PDE3A: variants seen among roughly 807,000 people sequenced by gnomAD.
PDE3A encodes cGMP-inhibited 3',5'-cyclic phosphodiesterase 3A.
Under a neutral mutation model 98.3 loss-of-function variants are expected in PDE3A, and 43 were observed. The observed-to-expected ratio is 0.44, with a 90% CI of 0.34 to 0.56. PDE3A has a LOEUF of 0.56. Ranked by LOEUF, PDE3A falls within the 20% of genes least tolerant of loss-of-function variation. PDE3A has a pLI of 0.01. For missense variants in PDE3A, 1,427 were observed against 1,440.7 expected, an observed-to-expected ratio of 0.99 and a Z score of 0.15; for synonymous variants, 663 against 567.9, an observed-to-expected ratio of 1.17 and a Z score of -2.38.
In PDE3A at chr12:20,544,457, G is replaced by A. The variant is rs1205572392; in HGVS notation, c.961-12203G>A. Among the ~76,000 whole-genome samples the A allele has an allele frequency of 2.0e-5, 3 of 151,688 alleles. 1 individual carries two copies. Among genetic ancestry groups the A allele is most frequent in the Admixed American group, 2.0e-4 (3 of 15,216 alleles). On this transcript the variant is annotated intron_variant, in intron 1 of 15. Coordinates refer to ENST00000359062, the MANE Select transcript of PDE3A (RefSeq NM_000921.5). ...ATTTCACTGTTTTAAACAAGATGGAGATTAGAGGGTGGAAAATGGATTCTG... is the reference window on the plus strand; with the variant it reads ...ATTTCACTGTTTTAAACAAGATGGAAATTAGAGGGTGGAAAATGGATTCTG...
At chr12:20,404,556 T>C (rs1231420639) in intron 1 of PDE3A, among the ~76,000 whole-genome samples, 1 of 152,194 alleles carries the variant, frequency 6.6e-6, no homozygotes, top group Admixed American at 6.5e-5. Flanking sequence ...ACAGATACTC[T>C]TTAAACTTTT....
At chr12:20,460,591 A>G (rs748078485) in intron 1 of PDE3A, among the ~76,000 whole-genome samples, 1 of 152,230 alleles carries the variant, frequency 6.6e-6, no homozygotes, top group Non-Finnish European at 1.5e-5. Context: ...TGGTTATGGC[A>G]TGGTAGAATT....
chr12:20,394,901 C>T (rs868788137), intron 1 of PDE3A, among the ~76,000 whole-genome samples: 2 of 151,898 alleles, frequency 1.3e-5, no homozygotes, highest in Non-Finnish European at 2.9e-5. Flanking sequence ...GAGGACAACT[C>T]CCTATAAGAA....
At chr12:20,573,704 T>G (rs558147544) in intron 2 of PDE3A, among the ~76,000 whole-genome samples, 1 of 152,246 alleles carries the variant, frequency 6.6e-6, no homozygotes, top group South Asian at 2.1e-4. Context: ...ATTCAGTTTT[T>G]TTATACTGAT....
intron 1 of PDE3A, among the ~76,000 whole-genome samples, chr12:20,544,178 A>G (rs1038001332): frequency 6.7e-6 from 1 of 149,074 alleles, no homozygotes; most frequent in Non-Finnish European, 1.5e-5. Context: ...TATATATAAT[A>G]TATATTCAAA....
At chr12:20,536,781 A>G (rs1046733429) in intron 1 of PDE3A, among the ~76,000 whole-genome samples, 9 of 151,986 alleles carry the variant, frequency 5.9e-5, no homozygotes, top group Non-Finnish European at 1.3e-4. Context: ...TTGTTTATCC[A>G]TTGATTAGTT....
chr12:20,670,686 C>A (rs868830648), intron 15 of PDE3A, among the ~76,000 whole-genome samples: 1 of 145,392 alleles, frequency 6.9e-6, no homozygotes, highest in Admixed American at 6.8e-5. Flanking sequence ...ATCTCTGGGA[C>A]GCATTCAAAG....
In PDE3A at chr12:20,544,007, G is replaced by A. The variant is rs1941990722; in HGVS notation, c.961-12653G>A. ...AGACTGAATATCAAGTCAGAATTGG[G>A]ATTTGAACCAGTCTGGACTCTAGAG... On this transcript the variant is annotated intron_variant, in intron 1 of 15. Transcript: ENST00000359062. 2.0e-5 allele frequency among the ~76,000 whole-genome samples: 3 copies of A among 151,754 alleles called. No individual in the cohort carries two copies. In the South Asian group the frequency reaches 6.2e-4, roughly 32 times the overall value.
intron 15 of PDE3A, among the ~76,000 whole-genome samples, chr12:20,656,776 T>C (rs566525180): frequency 1.3e-5 from 2 of 152,350 alleles, no homozygotes; most frequent in East Asian, 3.9e-4. Context: ...CCTGACTTAC[T>C]GCTCTTTGAA....
At chr12:20,644,888 CTTCTTT>C (rs1370217239) in intron 10 of PDE3A, among the ~76,000 whole-genome samples, 3 of 83,796 alleles carry the variant, frequency 3.6e-5, no homozygotes, top group African/African-American at 1.5e-4. Flanking sequence ...CCTCTTCTTC[CTTCTTT>C]TTTTTTTTTT....
chr12:20,530,431 A>G (rs1449738290), intron 1 of PDE3A, among the ~76,000 whole-genome samples: 1 of 152,144 alleles, frequency 6.6e-6, no homozygotes, highest in Non-Finnish European at 1.5e-5. Flanking sequence ...TAATAGATTC[A>G]AATATTTTTC....
intron 9 of PDE3A, among the ~76,000 whole-genome samples, chr12:20,638,181 C>A (rs1592136976): frequency 6.6e-6 from 1 of 152,134 alleles, no homozygotes; most frequent in South Asian, 2.1e-4. Flanking sequence ...CAGAGATGAG[C>A]TTTCTTTGGA....
In PDE3A at chr12:20,488,429, C is replaced by T. The variant is rs145790512; in HGVS notation, c.961-68231C>T. Among the ~76,000 whole-genome samples, 579 of 152,296 alleles carry T rather than the reference C, an allele frequency of 3.8e-3. 1 individual carries two copies. Among genetic ancestry groups the T allele is most frequent in the Non-Finnish European group, 7.0e-3 (476 of 68,028 alleles). On this transcript the variant is annotated intron_variant, in intron 1 of 15. Transcript: ENST00000359062. Reference sequence around the variant, plus strand: ...ATCTTTGTTAAATTAAGCCGACCTTCACTCACATTTAAAAAATTTAACTTT... The same window carrying T: ...ATCTTTGTTAAATTAAGCCGACCTTTACTCACATTTAAAAAATTTAACTTT...
In PDE3A at chr12:20,633,642, G is replaced by T; in HGVS notation, c.1761-51G>T. The T allele has an allele frequency of 3.0e-6, 3 of 1,006,588 alleles. No individual in the cohort carries two copies. In the South Asian group the frequency reaches 4.5e-5, roughly 15 times the overall value. 62.4% of individuals were successfully genotyped at this position (1,006,588 alleles called of 1,614,324 possible). Reference sequence around the variant, plus strand: ...GTATACATAGATGGTATGTGCCTATGACTTTTTGAAAAGAGGAGGCTACAC... The same window carrying T: ...GTATACATAGATGGTATGTGCCTATTACTTTTTGAAAAGAGGAGGCTACAC... On this transcript the variant is annotated intron_variant, in intron 6 of 15. Coordinates refer to ENST00000359062, the MANE Select transcript of PDE3A (RefSeq NM_000921.5).
chr12:20,624,487 C>T (rs373640503), intron 5 of PDE3A, among the ~76,000 whole-genome samples: 31 of 152,060 alleles, frequency 2.0e-4, no homozygotes, highest in Non-Finnish European at 3.1e-4. Context: ...GAAGGAATGT[C>T]CACATAAGAT....
At chr12:20,452,761 C>T (rs1466768555) in intron 1 of PDE3A, among the ~76,000 whole-genome samples, 1 of 152,146 alleles carries the variant, frequency 6.6e-6, no homozygotes, top group Non-Finnish European at 1.5e-5. Context: ...TTGACTTGAA[C>T]TTAATGATAG....
rs368686305 is a variant in PDE3A, at chr12:20,635,066, T to C, written c.2001+10T>C. ...GACCATGATGTTTCTGGTAGTCCCA[T>C]ATCACTTAACTCACTCATTTACTTG... On this transcript the variant is annotated intron_variant, in intron 8 of 15. Coordinates refer to ENST00000359062, the MANE Select transcript of PDE3A (RefSeq NM_000921.5). The C allele has an allele frequency of 3.7e-6, 6 of 1,606,040 alleles. No homozygotes were observed. Among genetic ancestry groups the C allele is most frequent in the Non-Finnish European group, 5.1e-6 (6 of 1,176,006 alleles).
intron 1 of PDE3A, among the ~76,000 whole-genome samples, chr12:20,513,791 T>G (rs913222656): frequency 6.6e-6 from 1 of 152,204 alleles, no homozygotes; most frequent in Non-Finnish European, 1.5e-5. Flanking sequence ...TGAAACAATT[T>G]AGACAGATTT....
At chr12:20,511,433 C>CAG (rs990493073) in intron 1 of PDE3A, among the ~76,000 whole-genome samples, 17 of 151,702 alleles carry the variant, frequency 1.1e-4, no homozygotes, top group Non-Finnish European at 1.6e-4. Flanking sequence ...CACACACACA[C>CAG]ACACACACAC....
Sources: gnomAD v4.1 joint callset for allele counts (sites outside exome capture counted in the v4.1 genomes callset) on GRCh38, gnomAD v4.1.1 for gene constraint, MANE v1.5 for transcripts, NCBI Gene and HGNC (gene_info 2026-07-23, HGNC 2026-07-21) for gene names.